SEMA6D: variants seen among roughly 807,000 people sequenced by gnomAD.
The protein encoded by SEMA6D is semaphorin-6D.
SEMA6D carries 35 observed loss-of-function variants against 106.6 expected under a neutral mutation model. That is an observed-to-expected ratio of 0.33 (90% CI 0.25 to 0.44). The LOEUF is 0.44. SEMA6D is among the 20% of genes least tolerant of loss of function. The pLI, the probability that SEMA6D is intolerant of heterozygous loss-of-function variation, is 1.00. For missense variants in SEMA6D, 1,185 were observed against 1,345.9 expected (o/e 0.88, Z 1.87); for synonymous variants, 499 against 487.7 (o/e 1.02, Z -0.31).
intron 1 of SEMA6D, among the ~76,000 whole-genome samples, chr15:47,213,013 A>G (rs773357740): frequency 3.3e-5 from 5 of 152,266 alleles, no homozygotes; most frequent in African/African-American, 1.2e-4. Context: ...TGGAACCCGC[A>G]TAAGGGATCC....
intron 4 of SEMA6D, among the ~76,000 whole-genome samples, chr15:47,651,179 G>A (rs569245198): frequency 4.1e-4 from 62 of 152,254 alleles, no homozygotes; most frequent in African/African-American, 1.5e-3. Flanking sequence ...GGAGGCTGAG[G>A]CATGGGAGTC....
At position 47,771,207 on chromosome 15, in the gene SEMA6D, C is replaced by G; in HGVS notation, c.2644C>G (p.Leu882Val). ...SVDSRNTLND[L>V]LKHLNDPNSN... is the part of the protein sequence containing the mutation. ...TGATTCCAGAAATACCCTCAATGAT[C>G]TCCTGAAGCATCTGAATGACCCAAA... Residue 882 changes from leucine to valine, a missense_variant, in exon 19 of 19, where the codon CTC (leucine) becomes GTC (valine). Physicochemically the swap from Leu to Val is conservative, Grantham distance 32. Coordinates refer to ENST00000536845, the MANE Select transcript of SEMA6D (RefSeq NM_001358351.3). 5.0e-6 allele frequency: 8 copies of G among 1,614,098 alleles called. No homozygotes were observed. The highest frequency in any genetic ancestry group is 6.8e-6 in the Non-Finnish European group (8 of 1,179,970).
At chr15:47,763,738 T>C (rs1793789291) in intron 9 of SEMA6D, 112 bp from the exon 10 acceptor site, 1 of 929,416 alleles carries the variant, frequency 1.1e-6, no homozygotes, top group Admixed American at 1.8e-5. Context: ...CTAGATTTTT[T>C]TGAACCAGAT....
chr15:47,367,724 AC>A lies in SEMA6D; in HGVS notation c.-238-44668del, dbSNP rs757695785. 9.2e-3 allele frequency among the ~76,000 whole-genome samples: 207 copies of A among 22,386 alleles called. 1 individual carries two copies. In the Middle Eastern group the frequency reaches 0.095, roughly 10 times the overall value. 14.7% of individuals were successfully genotyped at this position (22,386 alleles called of 152,430 possible). On this transcript the variant is annotated intron_variant, in intron 1 of 19. Transcript: ENST00000558014. ...CACACACACACACACACACACACAC[AC>A]ACAGAGAGAGAGAAAGAGAGAGAGA...
At position 47,265,924 on chromosome 15, in the gene SEMA6D, C is replaced by G. The variant is rs1022985167; in HGVS notation, c.-239+81506C>G. 3.3e-5 allele frequency among the ~76,000 whole-genome samples: 5 copies of G among 152,108 alleles called. No individual in the cohort carries two copies. In the East Asian group the frequency reaches 7.7e-4, roughly 23 times the overall value. ...TGGGATGACAGTGGTTTTATCAGGC[C>G]TCTCTGTCGCTGTTTCTTTTCTTAA... On this transcript the variant is annotated intron_variant, in intron 1 of 19. Transcript: ENST00000558014.
chr15:47,595,084 C>T (rs1596390251), intron 3 of SEMA6D, among the ~76,000 whole-genome samples: 1 of 152,236 alleles, frequency 6.6e-6, no homozygotes, highest in Middle Eastern at 3.4e-3. Flanking sequence ...TCTCTGTGAC[C>T]TTCATTGCAG....
chr15:47,521,801 C>T (rs1219038446), intron 3 of SEMA6D, among the ~76,000 whole-genome samples: 12 of 152,134 alleles, frequency 7.9e-5, no homozygotes, highest in Admixed American at 1.3e-4. Flanking sequence ...CTGCCTAACA[C>T]GGTGAAACCC....
upstream of SEMA6D, among the ~76,000 whole-genome samples, chr15:47,713,466 C>T (rs184434139): frequency 6.6e-6 from 1 of 152,230 alleles, no homozygotes; most frequent in East Asian, 1.9e-4. Context: ...GCCAGCTGTG[C>T]CTATGCAGAT....
intron 2 of SEMA6D, among the ~76,000 whole-genome samples, chr15:47,427,742 T>C (rs577577364): frequency 1.3e-5 from 2 of 152,268 alleles, no homozygotes; most frequent in South Asian, 2.1e-4. Context: ...TATAAGCCTT[T>C]TGTAATCCAT....
rs372160232 is a variant in SEMA6D, at chr15:47,201,076, C to T, written c.-239+16658C>T. 2.2e-4 allele frequency among the ~76,000 whole-genome samples: 34 copies of T among 152,164 alleles called. No homozygotes were observed. The South Asian group carries it at 2.9e-3, about 13-fold the overall frequency. On this transcript the variant is annotated intron_variant, in intron 1 of 19. Transcript: ENST00000558014. ...CTGTCTTTTGCCTTGTCTTATTCAT[C>T]GATTTAGTAGAAAGCTTGTGTGTGT...
chr15:47,555,616 A>G (rs2045895593), intron 3 of SEMA6D, among the ~76,000 whole-genome samples: 1 of 152,242 alleles, frequency 6.6e-6, no homozygotes, highest in African/African-American at 2.4e-5. Flanking sequence ...GTCTCCTACA[A>G]CATAGATTGC....
At chr15:47,507,349 A>AC (rs1229619323) in intron 3 of SEMA6D, among the ~76,000 whole-genome samples, 14 of 59,372 alleles carry the variant, frequency 2.4e-4, no homozygotes, top group Middle Eastern at 0.014. Flanking sequence ...ACCCCCCCCC[A>AC]CCCCCCCGGG....
At chr15:47,253,016 A>G (rs1192352204) in intron 1 of SEMA6D, among the ~76,000 whole-genome samples, 4 of 152,226 alleles carry the variant, frequency 2.6e-5, no homozygotes, top group Non-Finnish European at 4.4e-5. Flanking sequence ...TCCCACACCA[A>G]CAGTCAAGGA....
At chr15:47,413,973 A>G (rs147626269) in intron 2 of SEMA6D, among the ~76,000 whole-genome samples, 1 of 152,290 alleles carries the variant, frequency 6.6e-6, no homozygotes, top group East Asian at 1.9e-4. Flanking sequence ...TAGTCCTTTT[A>G]GTATATTCTT....
chr15:47,593,360 C>T (rs2076474841), intron 3 of SEMA6D, among the ~76,000 whole-genome samples: 2 of 126,392 alleles, frequency 1.6e-5, no homozygotes, highest in African/African-American at 3.1e-5. Context: ...GAGCTGAGAT[C>T]GCACCACTGC....
At chr15:47,361,051 T>G (rs1209452119) in intron 1 of SEMA6D, among the ~76,000 whole-genome samples, 1 of 152,246 alleles carries the variant, frequency 6.6e-6, no homozygotes, top group Non-Finnish European at 1.5e-5. Context: ...CAGCACATAG[T>G]AGGTAGTTTG....
intron 1 of SEMA6D, among the ~76,000 whole-genome samples, chr15:47,229,050 G>A (rs1326583305): frequency 1.3e-5 from 2 of 151,974 alleles, no homozygotes; most frequent in Non-Finnish European, 2.9e-5. Flanking sequence ...GGAAACTGAA[G>A]CTTACTTATT....
intron 3 of SEMA6D, among the ~76,000 whole-genome samples, chr15:47,510,354 T>TA (rs966538784): frequency 5.3e-4 from 81 of 152,130 alleles, no homozygotes; most frequent in African/African-American, 1.9e-3. Context: ...CCCCCCAGTT[T>TA]ATGGAAAAAT....
rs67090828 is a variant in SEMA6D at position 47,316,102 on chromosome 15, C to CTTTTTTT, written c.-238-96289_-238-96283dup. Among the ~76,000 whole-genome samples, 464 of 81,462 alleles carry CTTTTTTT rather than the reference C, an allele frequency of 5.7e-3. 67 individuals are homozygous for CTTTTTTT. Among genetic ancestry groups the CTTTTTTT allele is most frequent in the African/African-American group, 0.01 (156 of 15,590 alleles). The allele number at this position is 81,462 out of a possible 152,430, so 53.4% of individuals were successfully genotyped here. On this transcript the variant is annotated intron_variant, in intron 1 of 19. Coordinates refer to the SEMA6D transcript ENST00000558014. ...TCCCAATCAGTATGCCATTTATTTC[C>CTTTTTTT]TTTTTTTTGAGACAGAATCTTGTTC...
Sources: gnomAD v4.1 joint callset for allele counts (sites outside exome capture counted in the v4.1 genomes callset) on GRCh38, gnomAD v4.1.1 for gene constraint, MANE v1.5 for transcripts, NCBI Gene and HGNC (gene_info 2026-07-23, HGNC 2026-07-21) for gene names.